The following ADAM28 variants were observed in gnomAD, a reference collection of about 807,000 sequenced individuals.
ADAM28 encodes the protein disintegrin and metalloproteinase domain-containing protein 28.
In ADAM28, 105 loss-of-function variants were observed where a neutral mutation model predicts 101.2. The ratio of observed to expected loss-of-function variants is 1.04; its 90% CI spans 0.89 to 1.22. The LOEUF is 1.22. Ranked by LOEUF, ADAM28 falls within the 50% of genes most tolerant of loss-of-function variation. The probability of loss-of-function intolerance (pLI) is 0.00; values close to 1 mark genes in which losing one functional copy is unlikely to be tolerated. For synonymous variants in ADAM28, 322 were observed against 310.6 expected (o/e 1.04, Z -0.39); for missense variants, 1,028 against 945.4 (o/e 1.09, Z -1.15).
chr8:24,335,971 G>C, intron 14 of ADAM28: 3 of 1,059,808 alleles, frequency 2.8e-6, no homozygotes, highest in Non-Finnish European at 3.4e-6. Context: ...AATTAAACTG[G>C]GTGTCTTTTT....
In ADAM28 at chr8:24,354,575, G is replaced by A; in HGVS notation, c.*171G>A. 1 of 610,990 alleles carries A rather than the reference G, an allele frequency of 1.6e-6. No individual in the cohort carries two copies. The highest frequency in any genetic ancestry group is 2.7e-6 in the Non-Finnish European group (1 of 376,804). 37.8% of individuals were successfully genotyped at this position (610,990 alleles called of 1,614,324 possible). On this transcript the variant is annotated 3_prime_UTR_variant, in exon 23 of 23. Transcript: ENST00000265769. ...AAGAGACTAAAGAAAATTTTCAAGA[G>A]GAACATATGCCTGAGAACCTTTGCA...
intron 8 of ADAM28, 177 bp downstream of exon 8, chr8:24,321,466 T>A (rs1413159321): frequency 3.1e-6 from 2 of 650,230 alleles, no homozygotes; most frequent in African/African-American, 3.6e-5. Context: ...TGAATATTAA[T>A]ACCACAAACC....
intron 2 of ADAM28, among the ~76,000 whole-genome samples, chr8:24,307,323 T>C (rs1209994915): frequency 6.6e-6 from 1 of 152,192 alleles, no homozygotes; most frequent in Non-Finnish European, 1.5e-5. Context: ...AACTGTGCCC[T>C]GTGTTGTTTT....
chr8:24,351,676 C>A (rs1585756423), intron 20 of ADAM28: 1 of 452,360 alleles, frequency 2.2e-6, no homozygotes, highest in African/African-American at 2.0e-5. Flanking sequence ...TATGATAATA[C>A]ATGTAATATT....
chr8:24,314,531 G>A (rs1810899355), intron 6 of ADAM28, among the ~76,000 whole-genome samples: 1 of 151,950 alleles, frequency 6.6e-6, no homozygotes, highest in South Asian at 2.1e-4. Flanking sequence ...TCTTTTAAAT[G>A]TTCTCAGAGT....
chr8:24,331,541 C>T (rs1813363897), intron 12 of ADAM28, among the ~76,000 whole-genome samples: 1 of 152,116 alleles, frequency 6.6e-6, no homozygotes, highest in Non-Finnish European at 1.5e-5. Context: ...TTTCCAACCT[C>T]ATTCCTTTTT....
chr8:24,341,552 A>C (rs1814763311), intron 15 of ADAM28, 46 bp from the exon 16 acceptor site: 1 of 1,588,006 alleles, frequency 6.3e-7, no homozygotes, highest in Non-Finnish European at 8.6e-7. Context: ...GCATTTATGT[A>C]AAACTGCAAT....
chr8:24,310,923 G>A (rs1462483022), intron 4 of ADAM28, among the ~76,000 whole-genome samples: 3 of 152,108 alleles, frequency 2.0e-5, no homozygotes, highest in East Asian at 1.9e-4. Flanking sequence ...CTGATGGAAC[G>A]CTTTTGATAA....
intron 13 of ADAM28, 42 bp from the exon 14 acceptor site, chr8:24,335,404 G>A: frequency 6.4e-7 from 1 of 1,551,250 alleles, no homozygotes; most frequent in Non-Finnish European, 8.7e-7. Context: ...GGGTAAAGCA[G>A]GTAGGGAGAA....
intron 2 of ADAM28, chr8:24,308,818 G>A: frequency 2.5e-6 from 1 of 402,292 alleles, no homozygotes. Context: ...CCAGCACGGT[G>A]CTCATGATCT....
chr8:24,354,507 C>T lies in ADAM28; in HGVS notation c.*103C>T, dbSNP rs539074309. 657 of 1,354,522 alleles carry T rather than the reference C, an allele frequency of 4.9e-4. 7 individuals carry two copies. In the South Asian group the frequency reaches 6.7e-3, roughly 14 times the overall value. The allele number at this position is 1,354,522 out of a possible 1,614,324, so 83.9% of individuals were successfully genotyped here. On this transcript the variant is annotated 3_prime_UTR_variant, in exon 23 of 23. Coordinates refer to ENST00000265769, the MANE Select transcript of ADAM28 (RefSeq NM_014265.6). ...TATCTATCTCACCAGTATTTGCTCT[C>T]GACTCAAGAAGGTTAACATTTTCTG...
chr8:24,330,145 T>C (rs1180804883), intron 11 of ADAM28, 30 bp downstream of exon 11: 4 of 1,600,890 alleles, frequency 2.5e-6, no homozygotes, highest in South Asian at 2.2e-5. Flanking sequence ...GGGGACATGC[T>C]ATGTAGCCCT....
intron 1 of ADAM28, 21 bp downstream of exon 1, chr8:24,294,216 C>G (rs201403533): frequency 4.6e-4 from 736 of 1,613,696 alleles, no homozygotes; most frequent in Non-Finnish European, 5.8e-4. Flanking sequence ...AGCTCTTTTT[C>G]AGGTTCTATT....
chr8:24,306,351 AATAAATAAATAAATATAT>A (rs1225648376), intron 2 of ADAM28, among the ~76,000 whole-genome samples: 2 of 106,556 alleles, frequency 1.9e-5, no homozygotes, highest in African/African-American at 9.3e-5. Flanking sequence ...CTCAAATACA[AATAAATAAATAAATATAT>A]ATATATATAT....
chr8:24,349,524 T>C (rs557285243), intron 18 of ADAM28, among the ~76,000 whole-genome samples: 1 of 152,318 alleles, frequency 6.6e-6, no homozygotes, highest in South Asian at 2.1e-4. Flanking sequence ...TTTTCAAAAA[T>C]GTTTCATTTC....
chr8:24,309,916 A>G lies in ADAM28; in HGVS notation c.173A>G (p.Lys58Arg). Residue 58 changes from lysine to arginine, a missense_variant, in exon 3 of 23, where the codon AAG becomes AGG. By Grantham distance (26) the Lys-to-Arg change is conservative. Coordinates refer to ENST00000265769, the MANE Select transcript of ADAM28 (RefSeq NM_014265.6). ...CAGGAACAATTTGAAACTGAATTAA[A>G]GTATAAAATGACAATTAATGGAAAA... Reference protein sequence around the residue: ...EQQEQFETELKYKMTINGKIA... With the variant: ...EQQEQFETELRYKMTINGKIA... 6.4e-7 allele frequency: 1 copy of G among 1,559,816 alleles called. No individual in the cohort carries two copies. Among genetic ancestry groups the G allele is most frequent in the South Asian group, 1.1e-5 (1 of 88,104 alleles).
At chr8:24,329,606 A>G (rs1563302342) in intron 10 of ADAM28, among the ~76,000 whole-genome samples, 1 of 152,168 alleles carries the variant, frequency 6.6e-6, no homozygotes, top group Non-Finnish European at 1.5e-5. Context: ...GCTGATGAAC[A>G]ATTTTAGATC....
intron 5 of ADAM28, 137 bp downstream of exon 5, chr8:24,311,574 T>C (rs1810464675): frequency 1.8e-6 from 1 of 551,276 alleles, no homozygotes; most frequent in African/African-American, 2.0e-5. Context: ...CATTTTGAAA[T>C]TTGAAGAAAC....
At chr8:24,324,053 C>T (rs919877966) in intron 9 of ADAM28, 50 bp downstream of exon 9, 2 of 1,566,776 alleles carry the variant, frequency 1.3e-6, no homozygotes, top group South Asian at 1.2e-5. Context: ...TTAGTGGATG[C>T]TTTTCTGAGC....
Sources: allele counts gnomAD v4.1 joint callset (sites outside exome capture counted in the v4.1 genomes callset), GRCh38; gene constraint gnomAD v4.1.1; transcripts MANE v1.5; gene names NCBI Gene and HGNC (gene_info 2026-07-23, HGNC 2026-07-21).